TNK2: variants seen among roughly 807,000 people sequenced by gnomAD.
TNK2 encodes activated CDC42 kinase 1.
A neutral mutation model predicts 101.8 loss-of-function variants in TNK2; 83 were observed. That is an observed-to-expected ratio of 0.82 (90% CI 0.68 to 0.98). TNK2 has a LOEUF of 0.98. TNK2 is among the 50% of genes least tolerant of loss of function. The pLI is 0.00. For synonymous variants in TNK2, 804 were observed against 633.0 expected, an observed-to-expected ratio of 1.27 and a Z score of -4.06; for missense variants, 1,665 against 1,483.2, an observed-to-expected ratio of 1.12 and a Z score of -2.01.
In TNK2 at chr3:195,872,302, G is replaced by A. The variant is rs1483023665; in HGVS notation, c.1425C>T (p.Cys475=). 3 of 1,613,334 alleles carry A rather than the reference G, an allele frequency of 1.9e-6. No individual in the cohort carries two copies. Among genetic ancestry groups the A allele is most frequent in the Admixed American group, 1.7e-5 (1 of 60,000 alleles). The change falls in exon 10 of 16, where the codon TGC becomes TGT. Residue 475 remains cysteine, a synonymous_variant. Coordinates refer to ENST00000672887, the MANE Select transcript of TNK2 (RefSeq NM_001382273.1). ...TGHGDSDPRH[C]WGFPDRIDEL... ...CGTCAATCCTGTCCGGGAAGCCCCA[G>A]CAGTGGCGGGGGTCACTGTCGCCAT...
chr3:195,879,382 TTATTCAC>T, intron 6 of TNK2: 2 of 602,260 alleles, frequency 3.3e-6, no homozygotes, highest in Non-Finnish European at 5.4e-6. Flanking sequence ...CCCAGGCCTC[TTATTCAC>T]TTGCAGCCTG....
rs140431873 is a variant in TNK2 at position 195,878,910 on chromosome 3, G to A, written c.1014+139C>T. On this transcript the variant is annotated intron_variant, in intron 7 of 15. Coordinates refer to ENST00000672887, the MANE Select transcript of TNK2 (RefSeq NM_001382273.1). The surrounding 1 kb of genome is among the most constrained non-coding windows in gnomAD (Gnocchi z 4.7). ...AGAGGAGACACGGGGCGTGGTGGGAGGCACGGGAAGTGGGGGGAGGCACGG... is the reference window on the plus strand; with the variant it reads ...AGAGGAGACACGGGGCGTGGTGGGAAGCACGGGAAGTGGGGGGAGGCACGG... 6.7e-5 allele frequency: 91 copies of A among 1,351,656 alleles called. No individual in the cohort carries two copies. The Middle Eastern group carries it at 1.6e-3, about 24-fold the overall frequency. 83.7% of individuals were successfully genotyped at this position (1,351,656 alleles called of 1,614,324 possible). A position where few individuals can be genotyped will look rare whatever the true frequency, so the allele number is the denominator to read the frequency against.
intron 4 of TNK2, 42 bp downstream of exon 4, chr3:195,884,770 G>A (rs1336310524): frequency 6.4e-7 from 1 of 1,552,916 alleles, no homozygotes; most frequent in Non-Finnish European, 8.7e-7. Context: ...CCAGCCCCGG[G>A]TCCCATGCCT....
intron 2 of TNK2, among the ~76,000 whole-genome samples, chr3:195,887,776 TGC>T (rs746926382): frequency 8.0e-6 from 1 of 125,390 alleles, no homozygotes; most frequent in Non-Finnish European, 1.6e-5. Context: ...TGTGTGCGTC[TGC>T]GCGCGTGTGT....
At position 195,868,694 on chromosome 3, in the gene TNK2, G is replaced by A; in HGVS notation, c.1604C>T (p.Pro535Leu). ...CAAGGGGTCTTGGTCCTCGCTCACA[G>A]GGTCATAGGTTGGTTCTGTGATGGA... ...AFFTQKPTYD[P>L]VSEDQDPLSS... Residue 535 changes from proline to leucine, a missense_variant, in exon 13 of 16, where the codon CCT becomes CTT. Coordinates refer to ENST00000672887, the MANE Select transcript of TNK2 (RefSeq NM_001382273.1). 1 of 1,588,148 alleles carries A rather than the reference G, an allele frequency of 6.3e-7. No individual in the cohort carries two copies. Among genetic ancestry groups the A allele is most frequent in the Non-Finnish European group, 8.5e-7 (1 of 1,175,702 alleles).
At chr3:195,869,299 G>A (rs867542488) in intron 12 of TNK2, 198 bp downstream of exon 12, 14 of 641,040 alleles carry the variant, frequency 2.2e-5, no homozygotes, top group South Asian at 9.0e-5. Context: ...GGCCACACTC[G>A]TGAGCAGAAG....
intron 1 of TNK2, chr3:195,895,470 C>A: frequency 1.4e-6 from 2 of 1,379,634 alleles, no homozygotes; most frequent in South Asian, 1.7e-5. Flanking sequence ...CCTCATCCGC[C>A]ATCGGCCGGC....
chr3:195,888,756 G>A lies in TNK2; in HGVS notation c.-18-150C>T, dbSNP rs563875543. On this transcript the variant is annotated intron_variant, in intron 1 of 15. Coordinates refer to ENST00000672887, the MANE Select transcript of TNK2 (RefSeq NM_001382273.1). The surrounding 1 kb of genome is among the most constrained non-coding windows in gnomAD (Gnocchi z 5.3). Reference sequence around the variant, plus strand: ...CTCCCGAGGGAAGCTACCGAGAACCGCCTGGACCCACGTCCCCTATTCCTG... The same window carrying A: ...CTCCCGAGGGAAGCTACCGAGAACCACCTGGACCCACGTCCCCTATTCCTG... 61 of 741,512 alleles carry A rather than the reference G, an allele frequency of 8.2e-5. No homozygotes were observed. Among genetic ancestry groups the A allele is most frequent in the Non-Finnish European group, 1.1e-4 (51 of 470,822 alleles). 45.9% of individuals were successfully genotyped at this position (741,512 alleles called of 1,614,324 possible). A position where few individuals can be genotyped will look rare whatever the true frequency, so the allele number is the denominator to read the frequency against.
chr3:195,885,025 A>T lies in TNK2; in HGVS notation c.243T>A (p.Ser81Arg). Reference sequence around the variant, plus strand: ...GGAACTCAGCCTCCAGTCGCTTTCCACTGAACACCTGTTTGAAGGCAGCCG... The same window carrying T: ...GGAACTCAGCCTCCAGTCGCTTTCCTCTGAACACCTGTTTGAAGGCAGCCG... ...KRKSWMSKVF[S>R]GKRLEAEFPP... Residue 81 changes from serine (S) to arginine (R), a missense_variant, in exon 4 of 16, where the codon AGT (serine) becomes AGA (arginine). Coordinates refer to ENST00000672887, the MANE Select transcript of TNK2 (RefSeq NM_001382273.1). This position sits in a 1 kb window ranked among gnomAD's most constrained non-coding sequence, Gnocchi z 4.7. 6.3e-7 allele frequency: 1 copy of T among 1,598,610 alleles called. No individual in the cohort carries two copies. Among genetic ancestry groups the T allele is most frequent in the Non-Finnish European group, 8.5e-7 (1 of 1,170,362 alleles).
At chr3:195,895,858 C>G (rs539086074) in intron 1 of TNK2, 1 of 162,058 alleles carries the variant, frequency 6.2e-6, no homozygotes, top group Non-Finnish European at 1.3e-5. Context: ...CAGCCTGCCC[C>G]GGCGGCCACT....
chr3:195,899,654 T>C (rs1761006223), intron 1 of TNK2, among the ~76,000 whole-genome samples: 1 of 152,208 alleles, frequency 6.6e-6, no homozygotes, highest in South Asian at 2.1e-4. Flanking sequence ...GTTTAAATTA[T>C]CCATCACGTT....
chr3:195,874,438 G>A (rs1477718093), intron 9 of TNK2, among the ~76,000 whole-genome samples: 1 of 152,238 alleles, frequency 6.6e-6, no homozygotes, highest in Non-Finnish European at 1.5e-5. Flanking sequence ...GAGAAAACAT[G>A]CTTGCTCCTG....
chr3:195,898,652 G>C (rs1303803113), intron 1 of TNK2, among the ~76,000 whole-genome samples: 1 of 144,350 alleles, frequency 6.9e-6, no homozygotes, highest in Non-Finnish European at 1.6e-5. Flanking sequence ...AAGAGACTGG[G>C]TCTTGCTCTG....
At position 195,868,460 on chromosome 3, in the gene TNK2, G is replaced by A. The variant is rs751564145; in HGVS notation, c.1838C>T (p.Ser613Phe). 1.9e-6 allele frequency: 3 copies of A among 1,559,662 alleles called. No individual in the cohort carries two copies. The highest frequency in any genetic ancestry group is 2.3e-5 in the South Asian group (2 of 86,358). Reference sequence around the variant, plus strand: ...CTGAGGCGGGGTCTCGTCCAGCAGGGAGCAGGCGTCCATGGCCAGCTGCGC... The same window carrying A: ...CTGAGGCGGGGTCTCGTCCAGCAGGAAGCAGGCGTCCATGGCCAGCTGCGC... ...SLAQLAMDAC[S>F]LLDETPPQSP... Residue 613 changes from serine to phenylalanine, a missense_variant, in exon 13 of 16, where the codon TCC becomes TTC. Coordinates refer to ENST00000672887, the MANE Select transcript of TNK2 (RefSeq NM_001382273.1).
chr3:195,870,876 T>C (rs916407624), intron 10 of TNK2, among the ~76,000 whole-genome samples: 11 of 152,140 alleles, frequency 7.2e-5, no homozygotes, highest in African/African-American at 2.7e-4. Flanking sequence ...GGCTGAGCCC[T>C]GTGAGCTTGG....
At chr3:195,880,893 T>C (rs2620623) in intron 6 of TNK2, among the ~76,000 whole-genome samples, 15 of 40,624 alleles carry the variant, frequency 3.7e-4, no homozygotes, top group African/African-American at 8.8e-4. Flanking sequence ...CAATGCCCCT[T>C]GGAGAGGACA....
Position 195,878,497 on chromosome 3 carries a change from G to C in TNK2, c.1110C>G (p.His370Gln), listed in dbSNP as rs755180846. The C allele has an allele frequency of 2.5e-6, 4 of 1,613,850 alleles. No individual in the cohort carries two copies. Among genetic ancestry groups the C allele is most frequent in the Middle Eastern group, 3.3e-4 (2 of 6,082 alleles). ...IYNVMVQCWA[H>Q]KPEDRPTFVA... ...CAAACGTGGGTCTGTCCTCTGGCTT[G>C]TGAGCCCAGCACTGGACCATGACGT... Residue 370 changes from histidine to glutamine, a missense_variant, in exon 8 of 16, where the codon CAC (histidine) becomes CAG (glutamine). By Grantham distance (24) the His-to-Gln change is conservative. Transcript: ENST00000672887. This position sits in a 1 kb window ranked among gnomAD's most constrained non-coding sequence, Gnocchi z 4.7.
rs1313222712 is a variant in TNK2 at position 195,867,538 on chromosome 3, G to A, written c.2760C>T (p.Pro920=). 3.9e-6 allele frequency: 6 copies of A among 1,527,316 alleles called. No individual in the cohort carries two copies. The highest frequency in any genetic ancestry group is 3.7e-5 in the South Asian group (3 of 81,918). The allele number at this position is 1,527,316 out of a possible 1,614,324, so 94.6% of individuals were successfully genotyped here. Reference sequence around the variant, plus strand: ...GGGGCATCGGCCGCACGGTGGCCGTGGGGGCGGCGGGGGCTGGGGTGCTGG... The same window carrying A: ...GGGGCATCGGCCGCACGGTGGCCGTAGGGGCGGCGGGGGCTGGGGTGCTGG... The part of the protein sequence containing the change: ...PPPSTPAPAA[P]TATVRPMPQA... The change falls in exon 13 of 16, where the codon CCC becomes CCT. Residue 920 remains proline, a synonymous_variant. Coordinates refer to ENST00000672887, the MANE Select transcript of TNK2 (RefSeq NM_001382273.1).
intron 10 of TNK2, chr3:195,870,431 C>T (rs1320798417): frequency 7.2e-7 from 1 of 1,381,722 alleles, no homozygotes; most frequent in Non-Finnish European, 9.6e-7. Flanking sequence ...AAGCCTAGGA[C>T]CTCAGGGACT....
Sources: gnomAD v4.1 joint callset for allele counts (sites outside exome capture counted in the v4.1 genomes callset) on GRCh38, gnomAD v4.1.1 for gene constraint, Gnocchi (gnomAD v3.1) non-coding constraint, MANE v1.5 for transcripts, NCBI Gene and HGNC (gene_info 2026-07-23, HGNC 2026-07-21) for gene names.